FRAS1: variants seen among roughly 807,000 people sequenced by gnomAD.
FRAS1 encodes Fraser extracellular matrix complex subunit 1.
A neutral mutation model predicts 435.2 loss-of-function variants in FRAS1; 290 were observed. That is an observed-to-expected ratio of 0.67 (90% CI 0.61 to 0.73). The LOEUF (loss-of-function observed/expected upper bound fraction) is 0.73. Among genes scored for constraint, FRAS1 ranks in the 30% least tolerant of loss-of-function variants. FRAS1 has a pLI of 0.00. For missense variants in FRAS1, 4,860 were observed against 5,001.5 expected (o/e 0.97, Z 0.85); for synonymous variants, 1,800 against 1,851.0 (o/e 0.97, Z 0.71).
intron 22 of FRAS1, among the ~76,000 whole-genome samples, chr4:78,366,799 T>C (rs1368042643): frequency 6.6e-6 from 1 of 152,148 alleles, no homozygotes; most frequent in Non-Finnish European, 1.5e-5. Context: ...CCAAGATGTC[T>C]GCGTCAGTAC....
chr4:78,533,380 G>T (rs1721780312), intron 70 of FRAS1, among the ~76,000 whole-genome samples: 1 of 152,270 alleles, frequency 6.6e-6, no homozygotes, highest in East Asian at 1.9e-4. Context: ...TAGAGAGCTG[G>T]TCCAGAGACT....
intron 6 of FRAS1, among the ~76,000 whole-genome samples, chr4:78,259,889 G>T (rs1482124991): frequency 6.6e-6 from 1 of 152,264 alleles, no homozygotes; most frequent in African/African-American, 2.4e-5. Context: ...TTTGTATAAG[G>T]TGTAAGGAAG....
At chr4:78,385,671 G>A (rs1732190297) in intron 28 of FRAS1, among the ~76,000 whole-genome samples, 2 of 152,084 alleles carry the variant, frequency 1.3e-5, no homozygotes, top group African/African-American at 4.8e-5. Flanking sequence ...GGTCACCTGA[G>A]GTCAGAAGTT....
intron 2 of FRAS1, among the ~76,000 whole-genome samples, chr4:78,119,540 A>G (rs1439813018): frequency 6.6e-6 from 1 of 152,186 alleles, no homozygotes; most frequent in Non-Finnish European, 1.5e-5. Context: ...CTGAATATTA[A>G]TAGTATTCCA....
At chr4:78,113,082 G>A (rs753300061) in intron 2 of FRAS1, among the ~76,000 whole-genome samples, 26 of 152,034 alleles carry the variant, frequency 1.7e-4, no homozygotes, top group Non-Finnish European at 3.4e-4. Context: ...GCGGTGTTTG[G>A]TTTTTCATCC....
chr4:78,210,638 G>A (rs1723464273), intron 2 of FRAS1, among the ~76,000 whole-genome samples: 2 of 152,190 alleles, frequency 1.3e-5, no homozygotes, highest in Admixed American at 6.5e-5. Context: ...TGGGGCCATA[G>A]GGATGGCTCA....
rs114608810 is a variant in FRAS1 at position 78,470,242 on chromosome 4, G to A, written c.7371+151G>A. On this transcript the variant is annotated intron_variant, in intron 51 of 73. Coordinates refer to ENST00000512123, the MANE Select transcript of FRAS1 (RefSeq NM_025074.7). ...TTCCTGAGATTAGTGAGCTCCGTGA[G>A]TTTGGTTAGGATAAACTTGTGTAGG... Among the ~76,000 whole-genome samples, 927 of 152,338 alleles carry A rather than the reference G, an allele frequency of 6.1e-3. 8 individuals are homozygous for A. Among genetic ancestry groups the A allele is most frequent in the African/African-American group, 0.022 (902 of 41,572 alleles).
At chr4:78,083,054 G>A (rs1200041524) in intron 2 of FRAS1, among the ~76,000 whole-genome samples, 1 of 152,052 alleles carries the variant, frequency 6.6e-6, no homozygotes, top group Non-Finnish European at 1.5e-5. Context: ...CCTATTCTTA[G>A]GAAAGAATAA....
At chr4:78,315,221 A>T (rs1473508983) in intron 15 of FRAS1, among the ~76,000 whole-genome samples, 3 of 152,198 alleles carry the variant, frequency 2.0e-5, no homozygotes, top group Non-Finnish European at 4.4e-5. Flanking sequence ...TACTTATGCT[A>T]AAAAACTTTA....
At chr4:78,208,807 A>G (rs1193913455) in intron 2 of FRAS1, among the ~76,000 whole-genome samples, 1 of 152,116 alleles carries the variant, frequency 6.6e-6, no homozygotes, top group Non-Finnish European at 1.5e-5. Context: ...AAAACTTAGC[A>G]TATTCTTCCA....
At chr4:78,283,591 A>G (rs1293987401) in intron 12 of FRAS1, among the ~76,000 whole-genome samples, 1 of 152,014 alleles carries the variant, frequency 6.6e-6, no homozygotes, top group Non-Finnish European at 1.5e-5. Context: ...GAGAAGTGGC[A>G]TTTTCTTCCA....
At chr4:78,275,354 A>G (rs1402593779) in intron 9 of FRAS1, among the ~76,000 whole-genome samples, 3 of 152,164 alleles carry the variant, frequency 2.0e-5, no homozygotes, top group African/African-American at 7.2e-5. Context: ...TGATCCTGTC[A>G]TTATGATGTT....
At position 78,284,561 on chromosome 4, in the gene FRAS1, G is replaced by A. The variant is rs768844161; in HGVS notation, c.1399+13G>A. The A allele has an allele frequency of 6.9e-6, 11 of 1,605,744 alleles. No individual in the cohort carries two copies. The highest frequency in any genetic ancestry group is 8.5e-6 in the Non-Finnish European group (10 of 1,176,076). On this transcript the variant is annotated intron_variant, in intron 13 of 73. Coordinates refer to ENST00000512123, the MANE Select transcript of FRAS1 (RefSeq NM_025074.7). ...AGTCTCTGTTTAGGTATGGCTCCAA[G>A]TGGACAACCCAGAGGTGGTGGTGTG...
chr4:78,448,410 G>A (rs1718921771), intron 44 of FRAS1, 94 bp downstream of exon 44: 2 of 1,225,252 alleles, frequency 1.6e-6, no homozygotes, highest in Admixed American at 2.6e-5. Context: ...TAGTGATGTG[G>A]GTGCATCTTA....
chr4:78,094,041 C>T (rs17002934), intron 2 of FRAS1, among the ~76,000 whole-genome samples: 9,402 of 151,328 alleles, frequency 0.062, 793 homozygotes, highest in African/African-American at 0.19. Context: ...TGGAAATCAC[C>T]GTGCAGTTAG....
intron 35 of FRAS1, among the ~76,000 whole-genome samples, chr4:78,425,264 C>G (rs1733953254): frequency 6.6e-6 from 1 of 152,134 alleles, no homozygotes. Flanking sequence ...AAAAGGCTTA[C>G]TACCCAGAGG....
intron 2 of FRAS1, among the ~76,000 whole-genome samples, chr4:78,194,590 A>G (rs902428629): frequency 1.3e-5 from 2 of 151,784 alleles, no homozygotes; most frequent in Non-Finnish European, 2.9e-5. Context: ...TGCATTCATC[A>G]CGTATTTCTT....
intron 70 of FRAS1, among the ~76,000 whole-genome samples, chr4:78,528,572 G>A (rs1266647172): frequency 1.3e-5 from 2 of 152,142 alleles, no homozygotes; most frequent in Non-Finnish European, 2.9e-5. Flanking sequence ...TGATTCATCT[G>A]TGTTGGGTGT....
chr4:78,335,285 C>T (rs556910547), intron 19 of FRAS1, among the ~76,000 whole-genome samples: 4 of 152,246 alleles, frequency 2.6e-5, no homozygotes, highest in African/African-American at 4.8e-5. Context: ...TCTTCATTGA[C>T]GTCTGTCACC....
Sources: allele counts gnomAD v4.1 joint callset (sites outside exome capture counted in the v4.1 genomes callset), GRCh38; gene constraint gnomAD v4.1.1; transcripts MANE v1.5; gene names NCBI Gene and HGNC (gene_info 2026-07-23, HGNC 2026-07-21).